Variants in ATP8A2 observed in about 807,000 individuals in gnomAD.
ATP8A2 encodes phospholipid-transporting ATPase IB.
In ATP8A2, 100 loss-of-function variants were observed where a neutral mutation model predicts 165.6. The ratio of observed to expected loss-of-function variants is 0.60; its 90% confidence interval spans 0.51 to 0.71. ATP8A2 has a LOEUF of 0.71. Ranked by LOEUF, ATP8A2 falls within the 30% of genes least tolerant of loss-of-function variation. The pLI, the probability that ATP8A2 is intolerant of heterozygous loss-of-function variation, is 0.00. For synonymous variants in ATP8A2, 543 were observed against 548.8 expected, an observed-to-expected ratio of 0.99 and a Z score of 0.15; for missense variants, 1,227 against 1,479.5, an observed-to-expected ratio of 0.83 and a Z score of 2.80.
chr13:25,507,061 C>T (rs947432802), intron 2 of ATP8A2, among the ~76,000 whole-genome samples: 2 of 150,840 alleles, frequency 1.3e-5, no homozygotes, highest in Non-Finnish European at 2.9e-5. Flanking sequence ...AGGAATAATA[C>T]TGTGTAGAGG....
intron 25 of ATP8A2, among the ~76,000 whole-genome samples, chr13:25,733,938 A>G (rs2043710684): frequency 6.6e-6 from 1 of 151,908 alleles, no homozygotes; most frequent in Non-Finnish European, 1.5e-5. Flanking sequence ...GCTTAACCCC[A>G]TTTCCTTTTG....
At chr13:25,513,946 G>C (rs1047630972) in intron 2 of ATP8A2, among the ~76,000 whole-genome samples, 1 of 145,156 alleles carries the variant, frequency 6.9e-6, no homozygotes, top group Non-Finnish European at 1.5e-5. Flanking sequence ...GGGAGACCGT[G>C]GAAAGAGAGG....
chr13:25,766,469 A>G lies in ATP8A2; in HGVS notation c.2385-2577A>G, dbSNP rs577438723. Among the ~76,000 whole-genome samples the G allele has an allele frequency of 1.2e-3, 188 of 152,312 alleles. 1 individual carries two copies. Among genetic ancestry groups the G allele is most frequent in the African/African-American group, 4.3e-3 (179 of 41,564 alleles). On this transcript the variant is annotated intron_variant, in intron 25 of 36. Transcript: ENST00000381655. ...ATGGCATGTGGTGATGTACCTGTTT[A>G]CCTGTTGAGCGCTGCACGACTTCTC...
chr13:25,634,557 A>G (rs1237829907), intron 24 of ATP8A2, among the ~76,000 whole-genome samples: 1 of 152,166 alleles, frequency 6.6e-6, no homozygotes, highest in Admixed American at 6.5e-5. Flanking sequence ...TATGACTTAC[A>G]TGATCTCTTA....
intron 27 of ATP8A2, among the ~76,000 whole-genome samples, chr13:25,817,368 C>T (rs904056000): frequency 6.8e-6 from 1 of 146,416 alleles, no homozygotes; most frequent in African/African-American, 2.5e-5. Flanking sequence ...GGGGGAAACA[C>T]GATTTTGTGT....
intron 30 of ATP8A2, among the ~76,000 whole-genome samples, chr13:25,847,843 A>T (rs1329254008): frequency 1.3e-5 from 2 of 152,066 alleles, no homozygotes; most frequent in African/African-American, 4.8e-5. Context: ...CAAATCAACC[A>T]AGCCCGAGCC....
intron 24 of ATP8A2, among the ~76,000 whole-genome samples, chr13:25,664,376 C>T (rs1245871744): frequency 1.3e-5 from 2 of 152,164 alleles, no homozygotes; most frequent in Non-Finnish European, 2.9e-5. Flanking sequence ...GTCATCATTT[C>T]CTTCCTCACC....
At chr13:25,637,931 G>A (rs2041414536) in intron 24 of ATP8A2, among the ~76,000 whole-genome samples, 1 of 152,178 alleles carries the variant, frequency 6.6e-6, no homozygotes, top group Admixed American at 6.5e-5. Flanking sequence ...TGATCAGACA[G>A]CAACATTTGC....
intron 1 of ATP8A2, among the ~76,000 whole-genome samples, chr13:25,407,590 G>C (rs2033842492): frequency 6.6e-6 from 1 of 152,160 alleles, no homozygotes; most frequent in Admixed American, 6.5e-5. Flanking sequence ...TAGGGAAGTG[G>C]TTATGAGCTT....
At chr13:25,766,901 A>G (rs887754646) in intron 25 of ATP8A2, among the ~76,000 whole-genome samples, 1 of 152,196 alleles carries the variant, frequency 6.6e-6, no homozygotes, top group Non-Finnish European at 1.5e-5. Context: ...TAGTCAACAC[A>G]GTGGTTTCAC....
At chr13:25,897,678 G>A (rs901348256) in intron 33 of ATP8A2, among the ~76,000 whole-genome samples, 17 of 152,172 alleles carry the variant, frequency 1.1e-4, no homozygotes, top group African/African-American at 4.1e-4. Context: ...CCACCAATTA[G>A]ACATAGATTT....
At chr13:25,501,530 C>T (rs1050042324) in intron 2 of ATP8A2, among the ~76,000 whole-genome samples, 3 of 152,212 alleles carry the variant, frequency 2.0e-5, no homozygotes, top group Non-Finnish European at 4.4e-5. Flanking sequence ...GACATATTCC[C>T]TGGCAAGTTG....
intron 24 of ATP8A2, among the ~76,000 whole-genome samples, chr13:25,656,434 C>T (rs1477062328): frequency 1.3e-5 from 2 of 151,792 alleles, no homozygotes; most frequent in Non-Finnish European, 2.9e-5. Context: ...TGCCATGATG[C>T]CCGGCTAATT....
chr13:25,396,028 A>G (rs2033411665), intron 1 of ATP8A2, among the ~76,000 whole-genome samples: 1 of 151,862 alleles, frequency 6.6e-6, no homozygotes, highest in Non-Finnish European at 1.5e-5. Context: ...ATTTTTAGTA[A>G]AGAGGGGGTT....
rs777677213 is a variant in ATP8A2 at position 25,541,878 on chromosome 13, G to A, written c.652-41G>A. 2.5e-6 allele frequency: 4 copies of A among 1,612,278 alleles called. No individual in the cohort carries two copies. In the Admixed American group the frequency reaches 5.0e-5, roughly 20 times the overall value. On this transcript the variant is annotated intron_variant, in intron 8 of 36. Coordinates refer to ENST00000381655, the MANE Select transcript of ATP8A2 (RefSeq NM_016529.6). Reference sequence around the variant, plus strand: ...ATGCTGAATGGTGTCCCTAAGCACAGAAGATTGTGTTTGACTTCCTCTTTT... The same window carrying A: ...ATGCTGAATGGTGTCCCTAAGCACAAAAGATTGTGTTTGACTTCCTCTTTT...
chr13:25,733,929 C>T (rs1278570421), intron 25 of ATP8A2, among the ~76,000 whole-genome samples: 3 of 152,224 alleles, frequency 2.0e-5, no homozygotes, highest in Admixed American at 1.3e-4. Flanking sequence ...TATGGCACAG[C>T]TTAACCCCAT....
At chr13:25,432,215 G>A (rs995692527) in intron 1 of ATP8A2, among the ~76,000 whole-genome samples, 2 of 152,114 alleles carry the variant, frequency 1.3e-5, no homozygotes, top group Non-Finnish European at 2.9e-5. Flanking sequence ...GAAAGCTACG[G>A]TAGCCAGTAT....
intron 1 of ATP8A2, among the ~76,000 whole-genome samples, chr13:25,450,125 G>T (rs1281240066): frequency 6.6e-6 from 1 of 152,124 alleles, no homozygotes; most frequent in Non-Finnish European, 1.5e-5. Context: ...ATGGCCTCAA[G>T]CTCTATCCAT....
chr13:25,639,007 A>G (rs2041444185), intron 24 of ATP8A2, among the ~76,000 whole-genome samples: 1 of 152,164 alleles, frequency 6.6e-6, no homozygotes. Context: ...AGCCAAACCA[A>G]CCTTCATAAG....
Sources: allele counts gnomAD v4.1 joint callset (sites outside exome capture counted in the v4.1 genomes callset), GRCh38; gene constraint gnomAD v4.1.1; transcripts MANE v1.5; gene names NCBI Gene and HGNC (gene_info 2026-07-23, HGNC 2026-07-21).